GABRR1: variants seen among roughly 807,000 people sequenced by gnomAD.
The protein encoded by GABRR1 is gamma-aminobutyric acid type A receptor subunit rho1.
In GABRR1, 59 loss-of-function variants were observed where a neutral mutation model predicts 55.5. The observed-to-expected ratio is 1.06, with a 90% CI of 0.86 to 1.32. The LOEUF (loss-of-function observed/expected upper bound fraction) is 1.32. GABRR1 is among the 40% of genes most tolerant of loss of function. The probability of loss-of-function intolerance (pLI) is 0.00; values close to 1 mark genes in which losing one functional copy is unlikely to be tolerated. For synonymous variants in GABRR1, 213 were observed against 226.0 expected (o/e 0.94, Z 0.51); for missense variants, 602 against 619.1 (o/e 0.97, Z 0.29).
chr6:89,180,393 A>G lies in GABRR1; in HGVS notation c.1045T>C (p.Trp349Arg). The G allele has an allele frequency of 6.2e-7, 1 of 1,613,886 alleles. No homozygotes were observed. Among genetic ancestry groups the G allele is most frequent in the Non-Finnish European group, 8.5e-7 (1 of 1,179,834 alleles). ...AGGAACACGAACACAAAGCTGACCC[A>G]GAGGTAGATGTCCACGGCCTTGATG... ...SYIKAVDIYLWVSFVFVFLSV... is the reference protein window; with the variant it reads ...SYIKAVDIYLRVSFVFVFLSV... The change falls in exon 9 of 10, where the codon TGG becomes CGG. Residue 349 changes from tryptophan (W) to arginine (R), a missense_variant. By Grantham distance (101) the Trp-to-Arg change is moderately radical (BLOSUM62 -3). Around this residue, in one of 3 missense-constraint regions of GABRR1, gnomAD observed 28 missense variants for 53.9 expected, o/e 0.52. Coordinates refer to ENST00000454853, the MANE Select transcript of GABRR1 (RefSeq NM_002042.5).
chr6:89,183,400 G>C (rs1184405133), intron 7 of GABRR1, among the ~76,000 whole-genome samples: 1 of 152,160 alleles, frequency 6.6e-6, no homozygotes, highest in Non-Finnish European at 1.5e-5. Context: ...GATAATATGT[G>C]CTGGGTTGTA....
rs545760107 is a variant in GABRR1 at position 89,177,743 on chromosome 6, A to G, written c.*1027T>C. ...GTGATGGCAGTTTTCTGGTCCATAG[A>G]AAATGCTGGTATTTCGAGTATAAAT... On this transcript the variant is annotated 3_prime_UTR_variant, in exon 10 of 10. Transcript: ENST00000454853. 1 of 152,306 alleles carries G rather than the reference A, an allele frequency of 6.6e-6. No homozygotes were observed. The highest frequency in any genetic ancestry group is 1.5e-5 in the Non-Finnish European group (1 of 68,034). 9.4% of individuals were successfully genotyped at this position (152,306 alleles called of 1,614,324 possible).
chr6:89,205,955 T>C (rs1772627471), intron 1 of GABRR1, among the ~76,000 whole-genome samples: 1 of 135,136 alleles, frequency 7.4e-6, no homozygotes, highest in Admixed American at 8.0e-5. Context: ...CTAGCTCCAC[T>C]TCTCAGACAT....
At chr6:89,206,422 C>T (rs1226175367) in intron 1 of GABRR1, among the ~76,000 whole-genome samples, 1 of 152,104 alleles carries the variant, frequency 6.6e-6, no homozygotes, top group Non-Finnish European at 1.5e-5. Context: ...AATGCCCTTC[C>T]CATCATTCTT....
chr6:89,201,804 C>T (rs1013812894), intron 2 of GABRR1, among the ~76,000 whole-genome samples: 18 of 151,992 alleles, frequency 1.2e-4, no homozygotes, highest in Non-Finnish European at 2.2e-4. Flanking sequence ...AATACCGATG[C>T]CCAGGCCCCA....
At chr6:89,202,449 G>A (rs537846378) in intron 2 of GABRR1, among the ~76,000 whole-genome samples, 13 of 151,790 alleles carry the variant, frequency 8.6e-5, no homozygotes, top group South Asian at 8.3e-4. Flanking sequence ...CTGCCACCAC[G>A]CCTGGCTAAG....
chr6:89,225,544 T>C (rs1475571949), intron 1 of GABRR1, among the ~76,000 whole-genome samples: 2 of 135,398 alleles, frequency 1.5e-5, no homozygotes, highest in African/African-American at 2.9e-5. Flanking sequence ...GATAGTTTAC[T>C]GAGAATGATG....
At chr6:89,216,394 C>T (rs111434400) in intron 1 of GABRR1, among the ~76,000 whole-genome samples, 2,644 of 152,326 alleles carry the variant, frequency 0.017, 43 homozygotes, top group Middle Eastern at 0.031. Context: ...GACCAAGAAT[C>T]AACAACGCCC....
At chr6:89,197,175 A>AG in intron 5 of GABRR1, among the ~76,000 whole-genome samples, 1 of 152,226 alleles carries the variant, frequency 6.6e-6, no homozygotes, top group Non-Finnish European at 1.5e-5. Context: ...CTGACTCCAT[A>AG]GGTTTATAAG....
At chr6:89,219,313 A>G (rs547489697), upstream of GABRR1, among the ~76,000 whole-genome samples, 41 of 152,308 alleles carry the variant, frequency 2.7e-4, no homozygotes, top group South Asian at 8.3e-3. Context: ...GTCCAAGCTA[A>G]GATTCCTTAT....
At chr6:89,182,243 T>G (rs1396862243) in intron 7 of GABRR1, among the ~76,000 whole-genome samples, 186 bp from the exon 8 acceptor site, 2 of 152,188 alleles carry the variant, frequency 1.3e-5, no homozygotes, top group Non-Finnish European at 2.9e-5. Context: ...GGTGAATCTA[T>G]CTCAAGAAAC....
chr6:89,220,993 T>C (rs1244580917), upstream of GABRR1, among the ~76,000 whole-genome samples: 1 of 152,204 alleles, frequency 6.6e-6, no homozygotes, highest in African/African-American at 2.4e-5. Flanking sequence ...GTGCTGGGGT[T>C]ACAGGCATGA....
At chr6:89,194,329 C>G (rs1489624096) in intron 5 of GABRR1, among the ~76,000 whole-genome samples, 7 of 152,154 alleles carry the variant, frequency 4.6e-5, no homozygotes, top group African/African-American at 1.7e-4. Flanking sequence ...AGACTGGTTA[C>G]TGGAGCGAGG....
chr6:89,205,746 T>A (rs548199424), intron 1 of GABRR1: 3 of 152,218 alleles, frequency 2.0e-5, no homozygotes, highest in Non-Finnish European at 2.9e-5. Flanking sequence ...CTATTTCATC[T>A]GAGAAGACAG....
At position 89,182,173 on chromosome 6, in the gene GABRR1, T is replaced by C. The variant is rs1771751198; in HGVS notation, c.797-116A>G. The C allele has an allele frequency of 1.1e-5, 10 of 937,228 alleles. No individual in the cohort carries two copies. The South Asian group carries it at 1.4e-4, about 13-fold the overall frequency. 58.1% of individuals were successfully genotyped at this position (937,228 alleles called of 1,614,324 possible). On this transcript the variant is annotated intron_variant, in intron 7 of 9. Coordinates refer to ENST00000454853, the MANE Select transcript of GABRR1 (RefSeq NM_002042.5). Reference sequence around the variant, plus strand: ...CCAATGGACTCTTATCATGTCTTTATAAGGTGAAATTGAGAGAAATCATGA... The same window carrying C: ...CCAATGGACTCTTATCATGTCTTTACAAGGTGAAATTGAGAGAAATCATGA...
chr6:89,223,660 C>T (rs889175763), intron 1 of GABRR1, among the ~76,000 whole-genome samples: 1 of 151,096 alleles, frequency 6.6e-6, no homozygotes, highest in Admixed American at 6.6e-5. Context: ...AGTTTACATT[C>T]CCATCAGCAG....
Position 89,198,201 on chromosome 6 carries a change from C to G in GABRR1, c.391G>C (p.Glu131Gln). The part of the protein sequence containing the change: ...TLYLRHYWKD[E>Q]RLSFPSTNNL... ...TTGGTGCTTGGAAAAGACAGCCTCT[C>G]GTCCTTCCAGTAGTGCCTCAGGTAG... is the stretch of plus-strand genomic sequence containing the variant. Residue 131 changes from glutamate to glutamine, a missense_variant, in exon 5 of 10, where the codon GAG (glutamate) becomes CAG (glutamine). This residue lies in a region of GABRR1 where 435 missense variants were observed against 424.2 expected (regional missense o/e 1.03). Coordinates refer to ENST00000454853, the MANE Select transcript of GABRR1 (RefSeq NM_002042.5). The G allele has an allele frequency of 3.1e-6, 5 of 1,614,088 alleles. No homozygotes were observed. The highest frequency in any genetic ancestry group is 4.2e-6 in the Non-Finnish European group (5 of 1,180,022).
At chr6:89,185,216 T>G in intron 7 of GABRR1, 94 bp downstream of exon 7, 1 of 1,505,870 alleles carries the variant, frequency 6.6e-7, no homozygotes, top group Non-Finnish European at 9.1e-7. Flanking sequence ...ACTGCTCACC[T>G]GACGACCAAT....
At chr6:89,194,461 T>G (rs1292586140) in intron 5 of GABRR1, among the ~76,000 whole-genome samples, 2 of 152,030 alleles carry the variant, frequency 1.3e-5, no homozygotes, top group Admixed American at 6.5e-5. Context: ...AATAAAAAAC[T>G]AATCCTTCAA....
Sources: gnomAD v4.1 joint callset for allele counts (sites outside exome capture counted in the v4.1 genomes callset) on GRCh38, gnomAD v4.1.1 for gene constraint, gnomAD v4.1.1 regional missense constraint, MANE v1.5 for transcripts, NCBI Gene and HGNC (gene_info 2026-07-23, HGNC 2026-07-21) for gene names.